The following FGF14 variants were observed in gnomAD, a reference collection of about 807,000 sequenced individuals.
FGF14 encodes the protein fibroblast growth factor 14, also known as fibroblast growth factor homologous factor 4.
FGF14 carries 5 observed loss-of-function variants against 25.5 expected under a neutral mutation model. The observed-to-expected ratio is 0.20, with a 90% confidence interval of 0.10 to 0.41. The LOEUF (loss-of-function observed/expected upper bound fraction) is 0.41, where lower values mean the gene tolerates loss of function less well. Among genes scored for constraint, FGF14 ranks in the 10% least tolerant of loss-of-function variants. The pLI is 1.00. For missense variants in FGF14, 222 were observed against 320.1 expected (o/e 0.69, Z 2.34); for synonymous variants, 138 against 118.3 (o/e 1.17, Z -1.08).
chr13:101,756,675 A>G (rs1001212233), intron 3 of FGF14, among the ~76,000 whole-genome samples: 5 of 152,132 alleles, frequency 3.3e-5, no homozygotes, highest in African/African-American at 9.7e-5. Flanking sequence ...GGAGGTTGCC[A>G]TGAGCTGAGA....
At chr13:101,746,618 G>A (rs1454035869) in intron 3 of FGF14, among the ~76,000 whole-genome samples, 4 of 151,948 alleles carry the variant, frequency 2.6e-5, no homozygotes, top group African/African-American at 4.8e-5. Context: ...TATTTTAGGC[G>A]AGAAGGGCAA....
intron 1 of FGF14, among the ~76,000 whole-genome samples, chr13:102,297,732 A>T (rs2054799393): frequency 1.3e-5 from 2 of 152,024 alleles, no homozygotes; most frequent in South Asian, 4.1e-4. Context: ...TAAAAAAAAA[A>T]AAACAATCAA....
intron 1 of FGF14, among the ~76,000 whole-genome samples, chr13:102,046,156 T>C (rs1349222393): frequency 6.6e-6 from 1 of 152,116 alleles, no homozygotes; most frequent in African/African-American, 2.4e-5. Flanking sequence ...CCCAACCCCC[T>C]AACTCCTTTT....
At chr13:102,187,762 G>A (rs1327765990) in intron 1 of FGF14, among the ~76,000 whole-genome samples, 1 of 152,182 alleles carries the variant, frequency 6.6e-6, no homozygotes, top group Non-Finnish European at 1.5e-5. Context: ...ACAGTTGGTT[G>A]TGTGGCTGGA....
intron 1 of FGF14, among the ~76,000 whole-genome samples, chr13:102,238,853 T>A (rs570029661): frequency 6.6e-6 from 1 of 152,224 alleles, no homozygotes; most frequent in Non-Finnish European, 1.5e-5. Context: ...ATGTGACTTA[T>A]GTGTCTGGTT....
chr13:101,817,177 T>C, intron 3 of FGF14, among the ~76,000 whole-genome samples: 1 of 152,228 alleles, frequency 6.6e-6, no homozygotes, highest in Non-Finnish European at 1.5e-5. Flanking sequence ...TCACAGGGCC[T>C]GGTTTCTCAG....
chr13:102,305,648 A>G (rs961266714), intron 1 of FGF14, among the ~76,000 whole-genome samples: 2 of 152,200 alleles, frequency 1.3e-5, no homozygotes, highest in Non-Finnish European at 2.9e-5. Context: ...AAATCATTCC[A>G]CATATGAGTT....
intron 1 of FGF14, among the ~76,000 whole-genome samples, chr13:102,027,680 C>T (rs973418649): frequency 1.2e-4 from 18 of 152,038 alleles, no homozygotes; most frequent in African/African-American, 3.1e-4. Context: ...TTGCTTGACT[C>T]GGTATAATCT....
intron 1 of FGF14, among the ~76,000 whole-genome samples, chr13:102,082,819 G>A (rs987242174): frequency 1.3e-5 from 2 of 151,178 alleles, no homozygotes; most frequent in African/African-American, 2.4e-5. Context: ...TTAGCCGGGC[G>A]TAGTGGCGGG....
intron 1 of FGF14, among the ~76,000 whole-genome samples, chr13:102,101,212 T>C (rs1169854801): frequency 2.6e-5 from 4 of 152,184 alleles, no homozygotes; most frequent in Non-Finnish European, 4.4e-5. Flanking sequence ...CCTTTACTTA[T>C]CTCCTCATAT....
At chr13:102,366,618 C>CG (rs2057720667) in intron 1 of FGF14, 1 of 46,792 alleles carries the variant, frequency 2.1e-5, no homozygotes, top group Admixed American at 2.8e-4. Context: ...ATTCTCCTTG[C>CG]AAAAAAAAAA....
chr13:102,246,183 C>T (rs1376164333), intron 1 of FGF14, among the ~76,000 whole-genome samples: 2 of 152,070 alleles, frequency 1.3e-5, no homozygotes, highest in African/African-American at 4.8e-5. Context: ...AGCTAGACTA[C>T]TGCTTTTGCT....
chr13:102,115,966 C>T (rs1211671097), intron 1 of FGF14, among the ~76,000 whole-genome samples: 2 of 151,974 alleles, frequency 1.3e-5, no homozygotes, highest in African/African-American at 2.4e-5. Flanking sequence ...CAAAATTAGC[C>T]GGGCTTGGTG....
intron 1 of FGF14, among the ~76,000 whole-genome samples, chr13:102,295,328 T>C (rs1414209871): frequency 2.0e-5 from 3 of 152,292 alleles, no homozygotes; most frequent in East Asian, 1.9e-4. Flanking sequence ...ACAGTAAAGA[T>C]CATCACTCCA....
rs113438753 is a variant in FGF14, at chr13:102,047,694, G to C, written c.209-172398C>G. On this transcript the variant is annotated intron_variant, in intron 1 of 4. Coordinates refer to the FGF14 transcript ENST00000376131. ...GGGCCTGTTGTGGGGTGGTGGGAAG[G>C]GGGAGGGATAGCATTAGGAGATATA... 3.7e-3 allele frequency among the ~76,000 whole-genome samples: 564 copies of C among 152,194 alleles called. 1 individual carries two copies. The highest frequency in any genetic ancestry group is 5.9e-3 in the Non-Finnish European group (403 of 68,008).
intron 1 of FGF14, among the ~76,000 whole-genome samples, chr13:102,287,246 G>T (rs1242041162): frequency 6.6e-6 from 1 of 152,212 alleles, no homozygotes; most frequent in Non-Finnish European, 1.5e-5. Flanking sequence ...TGCTTTGACC[G>T]TTCTGTAAAT....
At chr13:101,790,404 ATTTTCT>A (rs2040167456) in intron 3 of FGF14, among the ~76,000 whole-genome samples, 1 of 86,366 alleles carries the variant, frequency 1.2e-5, no homozygotes, top group South Asian at 3.9e-4. Flanking sequence ...GGCTCTATTC[ATTTTCT>A]TTTTTTTTTT....
rs2040238196 is a variant in FGF14 at position 102,014,516 on chromosome 13, C to A, written c.209-139220G>T. On this transcript the variant is annotated intron_variant, in intron 1 of 4. Coordinates refer to the FGF14 transcript ENST00000376131. ...GACTTGGATCCCAGGTAAACTAAAG[C>A]AAACAAAAATGATAAGCAATGCAGA... Among the ~76,000 whole-genome samples, 3 of 151,988 alleles carry A rather than the reference C, an allele frequency of 2.0e-5. No individual in the cohort carries two copies. In the South Asian group the frequency reaches 6.2e-4, roughly 32 times the overall value.
At chr13:101,905,172 T>A (rs763871091) in intron 1 of FGF14, among the ~76,000 whole-genome samples, 4 of 152,184 alleles carry the variant, frequency 2.6e-5, no homozygotes, top group Non-Finnish European at 4.4e-5. Context: ...CCATCATTTG[T>A]AACATTACTG....
Sources: allele counts gnomAD v4.1 joint callset (sites outside exome capture counted in the v4.1 genomes callset), GRCh38; gene constraint gnomAD v4.1.1; transcripts MANE v1.5; gene names NCBI Gene and HGNC (gene_info 2026-07-23, HGNC 2026-07-21).